The following CD163L1 variants were observed in gnomAD, a reference collection of about 807,000 sequenced individuals.
CD163L1 encodes the protein CD163 molecule like 1.
In CD163L1, 124 loss-of-function variants were observed where a neutral mutation model predicts 165.4. The observed-to-expected ratio is 0.75, with a 90% confidence interval of 0.65 to 0.87. CD163L1 has a LOEUF of 0.87. CD163L1 is among the 40% of genes least tolerant of loss of function. The pLI is 0.00. For missense variants in CD163L1, 1,525 were observed against 1,799.9 expected, an observed-to-expected ratio of 0.85 and a Z score of 2.76; for synonymous variants, 585 against 662.2, an observed-to-expected ratio of 0.88 and a Z score of 1.79.
intron 8 of CD163L1, among the ~76,000 whole-genome samples, chr12:7,394,360 T>A (rs1947728129): frequency 6.6e-6 from 1 of 152,182 alleles, no homozygotes; most frequent in African/African-American, 2.4e-5. Flanking sequence ...CCCTATTTAA[T>A]AAATGGTGCT....
intron 14 of CD163L1, among the ~76,000 whole-genome samples, chr12:7,370,047 C>T (rs1173479504): frequency 6.6e-6 from 1 of 152,218 alleles, no homozygotes; most frequent in African/African-American, 2.4e-5. Flanking sequence ...GTTCATTTGG[C>T]TCAAGTTTGA....
intron 2 of CD163L1, among the ~76,000 whole-genome samples, chr12:7,436,210 T>G (rs1214786465): frequency 6.6e-6 from 1 of 152,178 alleles, no homozygotes; most frequent in African/African-American, 2.4e-5. Flanking sequence ...GCCATTACAT[T>G]ATGCTTAATG....
chr12:7,395,599 A>T (rs1313665639), intron 8 of CD163L1, among the ~76,000 whole-genome samples: 1 of 152,160 alleles, frequency 6.6e-6, no homozygotes, highest in Non-Finnish European at 1.5e-5. Context: ...ATAATAATAA[A>T]AAAAATTATA....
At chr12:7,418,941 T>C (rs1202687117) in intron 4 of CD163L1, among the ~76,000 whole-genome samples, 1 of 151,966 alleles carries the variant, frequency 6.6e-6, no homozygotes, top group East Asian at 1.9e-4. Flanking sequence ...CTGAAATCTA[T>C]CAGATATTCA....
At chr12:7,421,539 G>T (rs774765503) in intron 4 of CD163L1, among the ~76,000 whole-genome samples, 1 of 91,108 alleles carries the variant, frequency 1.1e-5, no homozygotes, top group Non-Finnish European at 2.0e-5. Flanking sequence ...ATACATATAC[G>T]TACACATATA....
Position 7,396,358 on chromosome 12 carries a change from A to T in CD163L1, c.1787T>A (p.Leu596Gln). The T allele has an allele frequency of 6.2e-7, 1 of 1,613,070 alleles. No individual in the cohort carries two copies. Among genetic ancestry groups the T allele is most frequent in the Non-Finnish European group, 8.5e-7 (1 of 1,179,166 alleles). The change falls in exon 8 of 20, where the codon CTG becomes CAG. Residue 596 changes from leucine (L) to glutamine (Q), a missense_variant. Coordinates refer to ENST00000313599, the MANE Select transcript of CD163L1 (RefSeq NM_174941.6). ...VGGSNRCSGRLEVYFQGRWGT... is the reference protein window; with the variant it reads ...VGGSNRCSGRQEVYFQGRWGT... ...CCACCGTCCTTGAAAGTACACCTCC[A>T]GTCTTCCCGAGCAGCGGTTGCTGCC... is the stretch of plus-strand genomic sequence containing the variant.
At chr12:7,425,399 A>ATT (rs1948523867) in intron 4 of CD163L1, among the ~76,000 whole-genome samples, 1 of 152,232 alleles carries the variant, frequency 6.6e-6, no homozygotes, top group Non-Finnish European at 1.5e-5. Flanking sequence ...AAACCTAGGC[A>ATT]ATACCATTCA....
intron 2 of CD163L1, among the ~76,000 whole-genome samples, chr12:7,440,324 A>AGCC (rs1431712950): frequency 2.6e-5 from 4 of 151,418 alleles, no homozygotes; most frequent in African/African-American, 7.2e-5. Flanking sequence ...AGGGACCTGG[A>AGCC]GCCGCCGCCG....
At chr12:7,322,372 C>T in the CD163L1 span, 2 of 1,611,384 alleles carry the variant, frequency 1.2e-6, no homozygotes, top group Non-Finnish European at 1.7e-6. Flanking sequence ...GCAGTGAAAG[C>T]ACTCAGGTTC....
chr12:7,342,834 A>T (rs1295708227), downstream of CD163L1, among the ~76,000 whole-genome samples: 1 of 152,232 alleles, frequency 6.6e-6, no homozygotes, highest in African/African-American at 2.4e-5. Flanking sequence ...TTCTACCCAA[A>T]GCTTCATGGA....
intron 8 of CD163L1, among the ~76,000 whole-genome samples, chr12:7,385,485 G>A (rs1009607850): frequency 2.0e-5 from 3 of 151,872 alleles, no homozygotes; most frequent in Non-Finnish European, 4.4e-5. Flanking sequence ...ACATCAGATA[G>A]AAACTAGACT....
At chr12:7,399,711 C>G (rs1037393634) in intron 6 of CD163L1, among the ~76,000 whole-genome samples, 1 of 151,646 alleles carries the variant, frequency 6.6e-6, no homozygotes, top group Non-Finnish European at 1.5e-5. Context: ...TTTAAGTGAT[C>G]CTCCCACCTC....
intron 18 of CD163L1, among the ~76,000 whole-genome samples, chr12:7,361,762 A>G (rs1338452530): frequency 6.6e-6 from 1 of 152,172 alleles, no homozygotes; most frequent in Non-Finnish European, 1.5e-5. Flanking sequence ...TGTGTTATTT[A>G]CTTTTCAGAG....
chr12:7,337,712 GTTA>G, the CD163L1 span, among the ~76,000 whole-genome samples: 156 of 152,322 alleles, frequency 1.0e-3, 1 homozygote, highest in African/African-American at 3.4e-3. Flanking sequence ...CTTTTACACT[GTTA>G]TTAGTAGTGT....
At chr12:7,344,061 A>G (rs1946653575), downstream of CD163L1, among the ~76,000 whole-genome samples, 1 of 151,896 alleles carries the variant, frequency 6.6e-6, no homozygotes, top group Non-Finnish European at 1.5e-5. Flanking sequence ...AAACCCCAGC[A>G]GGGCAATCAC....
At chr12:7,357,617 G>A (rs1341490401) in intron 18 of CD163L1, 131 bp from the exon 19 acceptor site, 13 of 573,368 alleles carry the variant, frequency 2.3e-5, no homozygotes, top group Admixed American at 1.2e-4. Context: ...CATAAATTAA[G>A]AGCACGCTTA....
At chr12:7,430,019 A>G (rs1565815861) in intron 4 of CD163L1, among the ~76,000 whole-genome samples, 1 of 152,138 alleles carries the variant, frequency 6.6e-6, no homozygotes, top group Non-Finnish European at 1.5e-5. Context: ...GGAGGCCACC[A>G]AGTCCTTTCT....
chr12:7,369,716 A>C lies in CD163L1; in HGVS notation c.3731-51T>G. 6.5e-7 allele frequency: 1 copy of C among 1,539,898 alleles called. No homozygotes were observed. Among genetic ancestry groups the C allele is most frequent in the Non-Finnish European group, 8.9e-7 (1 of 1,127,672 alleles). ...CTTTACTCCTGAAGGAGGTTGTGGG[A>C]GAATGCTGAGGTAGAAAAACTTGAA... On this transcript the variant is annotated intron_variant, in intron 14 of 19. Coordinates refer to ENST00000313599, the MANE Select transcript of CD163L1 (RefSeq NM_174941.6). The surrounding 1 kb of genome is among the most constrained non-coding windows in gnomAD (Gnocchi z 4.9).
At chr12:7,413,764 G>A (rs968743278) in intron 4 of CD163L1, among the ~76,000 whole-genome samples, 2 of 152,110 alleles carry the variant, frequency 1.3e-5, no homozygotes, top group Non-Finnish European at 2.9e-5. Flanking sequence ...ATAGAGAGGA[G>A]GTGTACAACC....
Sources: allele counts gnomAD v4.1 joint callset (sites outside exome capture counted in the v4.1 genomes callset), GRCh38; gene constraint gnomAD v4.1.1; non-coding constraint Gnocchi (gnomAD v3.1); transcripts MANE v1.5; gene names NCBI Gene and HGNC (gene_info 2026-07-23, HGNC 2026-07-21).